The following KCNH5 variants were observed in gnomAD, a reference collection of about 807,000 sequenced individuals.
KCNH5 encodes the protein potassium voltage-gated channel subfamily H member 5.
A neutral mutation model predicts 96.1 loss-of-function variants in KCNH5; 46 were observed. That is an observed-to-expected ratio of 0.48 (90% CI 0.38 to 0.61). The LOEUF (loss-of-function observed/expected upper bound fraction) is 0.61. KCNH5 is among the 20% of genes least tolerant of loss of function. The pLI is 0.00. For missense variants in KCNH5, 907 were observed against 1,225.8 expected (o/e 0.74, Z 3.88); for synonymous variants, 439 against 449.8 (o/e 0.98, Z 0.30).
chr14:62,954,197 T>C (rs139716024), intron 6 of KCNH5, among the ~76,000 whole-genome samples: 5 of 152,340 alleles, frequency 3.3e-5, no homozygotes, highest in Admixed American at 1.3e-4. Context: ...ATACAGTTTA[T>C]GACAAATACT....
chr14:63,009,277 A>T (rs535294685), intron 2 of KCNH5, among the ~76,000 whole-genome samples: 1 of 152,276 alleles, frequency 6.6e-6, no homozygotes, highest in East Asian at 1.9e-4. Context: ...ACCAACGAAG[A>T]AAAAATGCAA....
intron 7 of KCNH5, among the ~76,000 whole-genome samples, chr14:62,914,148 C>A (rs535816211): frequency 6.6e-6 from 1 of 152,154 alleles, no homozygotes; most frequent in Non-Finnish European, 1.5e-5. Flanking sequence ...GTATAAAGAG[C>A]TCTTGCATGC....
intron 7 of KCNH5, among the ~76,000 whole-genome samples, chr14:62,893,663 A>G (rs544295074): frequency 3.9e-5 from 6 of 152,200 alleles, no homozygotes; most frequent in Non-Finnish European, 5.9e-5. Context: ...GGCTAAGGCA[A>G]GAGAATTGCT....
At chr14:62,770,970 G>A (rs1052725415) in intron 10 of KCNH5, among the ~76,000 whole-genome samples, 14 of 152,264 alleles carry the variant, frequency 9.2e-5, no homozygotes, top group African/African-American at 2.4e-4. Flanking sequence ...TCAAGGTTAC[G>A]TGAGGTCATA....
chr14:62,740,103 C>A (rs1387933639), intron 10 of KCNH5, among the ~76,000 whole-genome samples: 1 of 151,986 alleles, frequency 6.6e-6, no homozygotes, highest in Non-Finnish European at 1.5e-5. Context: ...TCTGGTTAAA[C>A]CAACAGAAGA....
At chr14:62,935,695 C>A (rs1889666885) in intron 7 of KCNH5, among the ~76,000 whole-genome samples, 1 of 152,162 alleles carries the variant, frequency 6.6e-6, no homozygotes, top group Non-Finnish European at 1.5e-5. Context: ...CAATTATTTT[C>A]TCTTCATTGA....
intron 10 of KCNH5, among the ~76,000 whole-genome samples, chr14:62,731,416 G>T (rs546640140): frequency 4.1e-4 from 62 of 152,196 alleles, no homozygotes; most frequent in African/African-American, 1.5e-3. Context: ...CTGAAGTTCA[G>T]TGTAGTTCTC....
chr14:62,846,786 T>C (rs150753574), intron 8 of KCNH5, among the ~76,000 whole-genome samples: 2 of 125,414 alleles, frequency 1.6e-5, no homozygotes, highest in African/African-American at 5.5e-5. Flanking sequence ...TATTGTATTG[T>C]ATCTTTTTTT....
chr14:63,033,626 C>T (rs555216367), intron 1 of KCNH5, among the ~76,000 whole-genome samples: 6 of 152,058 alleles, frequency 3.9e-5, no homozygotes, highest in Non-Finnish European at 5.9e-5. Flanking sequence ...GGTCAGGGGC[C>T]GTGTCTATTT....
At chr14:63,027,978 A>T (rs540806407) in intron 1 of KCNH5, among the ~76,000 whole-genome samples, 1 of 152,136 alleles carries the variant, frequency 6.6e-6, no homozygotes, top group Admixed American at 6.6e-5. Flanking sequence ...GAGGTACTCT[A>T]CAATTTCTAA....
At chr14:62,807,152 C>T (rs191996838) in intron 8 of KCNH5, among the ~76,000 whole-genome samples, 23 of 152,062 alleles carry the variant, frequency 1.5e-4, no homozygotes, top group African/African-American at 5.3e-4. Context: ...TCAGGGTGAC[C>T]ATCTTGCCCA....
chr14:63,034,514 T>C (rs543875676), intron 1 of KCNH5, among the ~76,000 whole-genome samples: 42 of 152,344 alleles, frequency 2.8e-4, no homozygotes, highest in Middle Eastern at 3.4e-3. Context: ...ATAGCAAATG[T>C]GCAGACATAC....
At chr14:62,959,255 T>C (rs1227314193) in intron 6 of KCNH5, among the ~76,000 whole-genome samples, 1 of 152,166 alleles carries the variant, frequency 6.6e-6, no homozygotes, top group East Asian at 1.9e-4. Flanking sequence ...ATCTCTCTTT[T>C]AACAGCAAAC....
At chr14:62,721,810 G>C (rs1446908110) in intron 10 of KCNH5, among the ~76,000 whole-genome samples, 2 of 152,000 alleles carry the variant, frequency 1.3e-5, no homozygotes, top group Non-Finnish European at 2.9e-5. Flanking sequence ...TTTTCCAATA[G>C]AGCTATAGCA....
At chr14:62,868,251 C>A (rs528306654) in intron 7 of KCNH5, among the ~76,000 whole-genome samples, 1 of 152,296 alleles carries the variant, frequency 6.6e-6, no homozygotes, top group African/African-American at 2.4e-5. Context: ...TTGCCCAGTC[C>A]CAGTGTGATT....
rs1886681535 is a variant in KCNH5 at position 62,802,441 on chromosome 14, G to A, written c.1710C>T (p.His570=). 6.2e-6 allele frequency: 10 copies of A among 1,614,146 alleles called. No homozygotes were observed. Among genetic ancestry groups the A allele is most frequent in the Non-Finnish European group, 8.5e-6 (10 of 1,180,006 alleles). Residue 570 remains histidine, a synonymous_variant, in exon 9 of 11, where the codon CAC becomes CAT. Coordinates refer to ENST00000322893, the MANE Select transcript of KCNH5 (RefSeq NM_139318.5). ...GGTAAATGAGGTCCCCGGGAGCACA[G>A]TGAATGGTTTGGAACTCTACCGCCA... is the stretch of plus-strand genomic sequence containing the variant. ...RALAVEFQTI[H]CAPGDLIYHA...
chr14:62,983,422 A>G (rs568259265), intron 5 of KCNH5, among the ~76,000 whole-genome samples: 4 of 151,204 alleles, frequency 2.6e-5, no homozygotes, highest in South Asian at 2.1e-4. Context: ...ATATATACAT[A>G]TGTGTGTGTG....
intron 10 of KCNH5, among the ~76,000 whole-genome samples, chr14:62,756,933 C>T (rs1885636224): frequency 6.6e-6 from 1 of 152,022 alleles, no homozygotes; most frequent in African/African-American, 2.4e-5. Flanking sequence ...GCAACCAAAG[C>T]AAAACTGGAC....
intron 10 of KCNH5, among the ~76,000 whole-genome samples, chr14:62,769,347 G>A (rs143949810): frequency 6.6e-6 from 1 of 152,136 alleles, no homozygotes; most frequent in African/African-American, 2.4e-5. Flanking sequence ...ATGATCAATT[G>A]AGGTAATGAG....
Sources: allele counts gnomAD v4.1 joint callset (sites outside exome capture counted in the v4.1 genomes callset), GRCh38; gene constraint gnomAD v4.1.1; transcripts MANE v1.5; gene names NCBI Gene and HGNC (gene_info 2026-07-23, HGNC 2026-07-21).